Variants in TCF24 observed in about 807,000 individuals in gnomAD.
TCF24 encodes the protein transcription factor 24.
A neutral mutation model predicts 9.3 loss-of-function variants in TCF24; 5 were observed. The observed-to-expected ratio is 0.54, with a 90% CI of 0.28 to 1.13. The LOEUF (loss-of-function observed/expected upper bound fraction) is 1.13, where lower values mean the gene tolerates loss of function less well. Ranked by LOEUF, TCF24 falls within the 50% of genes most tolerant of loss-of-function variation. TCF24 has a pLI of 0.09. For synonymous variants in TCF24, 110 were observed against 115.8 expected (o/e 0.95, Z 0.32); for missense variants, 220 against 236.1 (o/e 0.93, Z 0.45).
chr8:66,950,341 C>A (rs1022687643), intron 3 of TCF24, among the ~76,000 whole-genome samples: 4 of 151,262 alleles, frequency 2.6e-5, no homozygotes, highest in African/African-American at 9.7e-5. Context: ...CCAGTTTTCC[C>A]AGCACCATTT....
chr8:66,958,380 A>C (rs1028728241), intron 3 of TCF24, among the ~76,000 whole-genome samples: 1 of 152,204 alleles, frequency 6.6e-6, no homozygotes, highest in African/African-American at 2.4e-5. Flanking sequence ...ATAATTAACT[A>C]GAACTGAACC....
intron 3 of TCF24, among the ~76,000 whole-genome samples, chr8:66,950,464 C>A (rs1362670262): frequency 3.9e-5 from 6 of 151,994 alleles, no homozygotes; most frequent in Non-Finnish European, 7.4e-5. Flanking sequence ...TGATCTATAT[C>A]TCTGTACCAT....
At chr8:66,950,658 C>T (rs1432973631) in intron 3 of TCF24, among the ~76,000 whole-genome samples, 10 of 152,192 alleles carry the variant, frequency 6.6e-5, no homozygotes, top group African/African-American at 7.2e-5. Context: ...GGGGATGGCA[C>T]TGAATCTGTA....
At chr8:66,956,641 T>G (rs1429258486) in intron 3 of TCF24, among the ~76,000 whole-genome samples, 1 of 152,114 alleles carries the variant, frequency 6.6e-6, no homozygotes, top group Non-Finnish European at 1.5e-5. Flanking sequence ...GGGATTACAG[T>G]GTAAGCCACC....
intron 3 of TCF24, among the ~76,000 whole-genome samples, chr8:66,954,591 G>A (rs1392091052): frequency 1.3e-5 from 2 of 152,184 alleles, no homozygotes; most frequent in African/African-American, 2.4e-5. Context: ...ACAGAGGCAG[G>A]CAGGCCTCCT....
At chr8:66,957,115 A>G (rs997932758) in intron 3 of TCF24, among the ~76,000 whole-genome samples, 1 of 143,104 alleles carries the variant, frequency 7.0e-6, no homozygotes, top group Non-Finnish European at 1.5e-5. Context: ...CCGTCTCAAA[A>G]AAAAAAAAAA....
intron 3 of TCF24, among the ~76,000 whole-genome samples, chr8:66,955,354 T>A (rs902165155): frequency 1.3e-5 from 2 of 151,998 alleles, no homozygotes; most frequent in African/African-American, 4.8e-5. Context: ...AATACTACTT[T>A]TGTTTTTTTT....
chr8:66,949,572 C>T (rs1220054283), intron 3 of TCF24, among the ~76,000 whole-genome samples: 3 of 152,126 alleles, frequency 2.0e-5, no homozygotes, highest in Non-Finnish European at 4.4e-5. Context: ...CATACGTGTG[C>T]ATGTCTCTTT....
chr8:66,949,259 C>A (rs1439957872), intron 3 of TCF24, among the ~76,000 whole-genome samples: 2 of 151,848 alleles, frequency 1.3e-5, no homozygotes, highest in Admixed American at 6.6e-5. Flanking sequence ...CCCCCCTCCT[C>A]CCACCCCACC....
At chr8:66,948,438 T>C (rs1813997115) in intron 3 of TCF24, among the ~76,000 whole-genome samples, 1 of 152,160 alleles carries the variant, frequency 6.6e-6, no homozygotes, top group Non-Finnish European at 1.5e-5. Flanking sequence ...AAAATAAATA[T>C]AGTTAAAGTG....
rs751112800 is a variant in TCF24, at chr8:66,961,408, G to C, written c.358C>G (p.Leu120Val). The C allele has an allele frequency of 6.6e-7, 1 of 1,513,324 alleles. No individual in the cohort carries two copies. The highest frequency in any genetic ancestry group is 8.8e-7 in the Non-Finnish European group (1 of 1,137,138). The allele number at this position is 1,513,324 out of a possible 1,614,324, so 93.7% of individuals were successfully genotyped here. The change falls in exon 3 of 4, where the codon CTG (leucine) becomes GTG (valine). Residue 120 changes from leucine (L) to valine (V), a missense_variant. Transcript: ENST00000563496. ...EAPADAGLGALRGDGYLHPVK... is the reference protein window; with the variant it reads ...EAPADAGLGAVRGDGYLHPVK... Reference sequence around the variant, plus strand: ...GGGTGCAGGTAGCCATCGCCGCGCAGGGCGCCCAACCCGGCGTCCGCCGGC... The same window carrying C: ...GGGTGCAGGTAGCCATCGCCGCGCACGGCGCCCAACCCGGCGTCCGCCGGC...
rs1026340508 is a variant in TCF24, at chr8:66,947,994, G to A, written c.*57C>T. On this transcript the variant is annotated 3_prime_UTR_variant, in exon 4 of 4. Transcript: ENST00000563496. ...TCTCATATAATAAATATAGAATTAT[G>A]TCATAGTATTTAAAAACAATAGCCA... is the stretch of plus-strand genomic sequence containing the variant. 1 of 1,216,810 alleles carries A rather than the reference G, an allele frequency of 8.2e-7. No homozygotes were observed. The highest frequency in any genetic ancestry group is 1.5e-5 in the South Asian group (1 of 65,396). 75.4% of individuals were successfully genotyped at this position (1,216,810 alleles called of 1,614,324 possible).
intron 3 of TCF24, among the ~76,000 whole-genome samples, chr8:66,956,781 T>C (rs928106646): frequency 6.6e-6 from 1 of 152,154 alleles, no homozygotes; most frequent in African/African-American, 2.4e-5. Flanking sequence ...TGTTACAGAC[T>C]GAATGTTTGT....
chr8:66,957,780 A>T (rs1315289388), intron 3 of TCF24, among the ~76,000 whole-genome samples: 1 of 151,972 alleles, frequency 6.6e-6, no homozygotes, highest in African/African-American at 2.4e-5. Context: ...TCAAATGTAA[A>T]TTGAGAATTA....
chr8:66,948,889 T>G (rs1017359641), intron 3 of TCF24, among the ~76,000 whole-genome samples: 1 of 152,068 alleles, frequency 6.6e-6, no homozygotes, highest in African/African-American at 2.4e-5. Context: ...AGAGACAGGG[T>G]ATTACCACGC....
chr8:66,961,544 G>A lies in TCF24; in HGVS notation c.222C>T (p.Arg74=), dbSNP rs1319124139. The A allele has an allele frequency of 8.6e-6, 13 of 1,508,062 alleles. No homozygotes were observed. The highest frequency in any genetic ancestry group is 2.7e-5 in the East Asian group (1 of 36,728). The allele number at this position is 1,508,062 out of a possible 1,614,324, so 93.4% of individuals were successfully genotyped here. The change falls in exon 3 of 4, where the codon CGC becomes CGT. Residue 74 remains arginine (R), a synonymous_variant. Coordinates refer to ENST00000563496, the MANE Select transcript of TCF24 (RefSeq NM_001193502.2). ...TGTCGGGCGGCACGGACGGCAGCGT[G>A]CGCTGCAGCTCCAGGAAAGCGTGCC... ...TLRHAFLELQ[R]TLPSVPPDTK...
In TCF24 at chr8:66,946,939, TGAA is replaced by T. The variant is rs1244102776; in HGVS notation, c.*1109_*1111del. 1.3e-5 allele frequency: 2 copies of T among 152,118 alleles called. No homozygotes were observed. The highest frequency in any genetic ancestry group is 2.9e-5 in the Non-Finnish European group (2 of 67,974). 9.4% of individuals were successfully genotyped at this position (152,118 alleles called of 1,614,324 possible). On this transcript the variant is annotated 3_prime_UTR_variant, in exon 4 of 4. Transcript: ENST00000563496. The stretch of plus-strand genomic sequence containing the variant: ...TTTACAATTCAGTTTGAGGTAACTT[TGAA>T]GAAGTTTTGATTTCATTCCTTAGGA...
intron 3 of TCF24, among the ~76,000 whole-genome samples, chr8:66,949,564 T>C (rs1178964276): frequency 6.6e-6 from 1 of 152,230 alleles, no homozygotes; most frequent in East Asian, 1.9e-4. Flanking sequence ...GCAATAAACA[T>C]ACGTGTGCAT....
chr8:66,959,927 A>T (rs747966379), intron 3 of TCF24, among the ~76,000 whole-genome samples: 2 of 152,236 alleles, frequency 1.3e-5, no homozygotes, highest in African/African-American at 2.4e-5. Flanking sequence ...TGCTTCCAAC[A>T]TTATTCATTC....
Sources: allele counts gnomAD v4.1 joint callset (sites outside exome capture counted in the v4.1 genomes callset), GRCh38; gene constraint gnomAD v4.1.1; transcripts MANE v1.5; gene names NCBI Gene and HGNC (gene_info 2026-07-23, HGNC 2026-07-21).